The following C1orf159 variants were observed in gnomAD, a reference collection of about 807,000 sequenced individuals.
The protein encoded by C1orf159 is chromosome 1 open reading frame 159, also known as uncharacterized protein C1orf159.
Under a neutral mutation model 25.6 loss-of-function variants are expected in C1orf159, and 19 were observed. The observed-to-expected ratio is 0.74, with a 90% CI of 0.52 to 1.09. C1orf159 has a LOEUF of 1.09. C1orf159 is among the 50% of genes least tolerant of loss of function. C1orf159 has a pLI of 0.00. For missense variants in C1orf159, 274 were observed against 290.6 expected, an observed-to-expected ratio of 0.94 and a Z score of 0.42; for synonymous variants, 139 against 124.7, an observed-to-expected ratio of 1.12 and a Z score of -0.77.
At chr1:1,100,526 C>T (rs931618074) in intron 1 of C1orf159, among the ~76,000 whole-genome samples, 3 of 152,130 alleles carry the variant, frequency 2.0e-5, no homozygotes, top group East Asian at 1.9e-4. Flanking sequence ...ATGGTTGACA[C>T]GAGGGCGCAC....
At chr1:1,104,522 C>T (rs1052795358) in intron 1 of C1orf159, among the ~76,000 whole-genome samples, 1 of 152,180 alleles carries the variant, frequency 6.6e-6, no homozygotes, top group Non-Finnish European at 1.5e-5. Context: ...TTACTCTTTC[C>T]CACTGAAGTA....
intron 1 of C1orf159, among the ~76,000 whole-genome samples, chr1:1,095,425 C>CT (rs1376374695): frequency 1.3e-5 from 2 of 152,188 alleles, no homozygotes; most frequent in African/African-American, 4.8e-5. Context: ...TAAGATTTTA[C>CT]TTTTTGTTAT....
chr1:1,087,711 C>G lies in C1orf159; in HGVS notation c.149-114G>C. On this transcript the variant is annotated intron_variant, in intron 4 of 9. Transcript: ENST00000421241. The surrounding 1 kb of genome is among the most constrained non-coding windows in gnomAD (Gnocchi z 8.3). The stretch of plus-strand genomic sequence containing the variant: ...AGATAACTTTCATTCCAGATACTAA[C>G]ATGCTCTGGAGGGTAGGTGGGCGGC... 1 of 817,498 alleles carries G rather than the reference C, an allele frequency of 1.2e-6. No individual in the cohort carries two copies. The highest frequency in any genetic ancestry group is 1.9e-6 in the Non-Finnish European group (1 of 517,530). The allele number at this position is 817,498 out of a possible 1,614,324, so 50.6% of individuals were successfully genotyped here. A position where few individuals can be genotyped will look rare whatever the true frequency, so the allele number is the denominator to read the frequency against.
chr1:1,112,338 G>A (rs896973388), intron 1 of C1orf159, among the ~76,000 whole-genome samples: 4 of 152,222 alleles, frequency 2.6e-5, no homozygotes, highest in East Asian at 1.9e-4. Flanking sequence ...GACAGGTAAC[G>A]GAAGAACGCC....
Position 1,087,251 on chromosome 1 carries a change from G to A in C1orf159, c.245-47C>T, listed in dbSNP as rs775335092. 20 of 1,546,280 alleles carry A rather than the reference G, an allele frequency of 1.3e-5. No homozygotes were observed. The African/African-American group carries it at 1.6e-4, about 13-fold the overall frequency. On this transcript the variant is annotated intron_variant, in intron 5 of 9. Transcript: ENST00000421241. This position sits in a 1 kb window ranked among gnomAD's most constrained non-coding sequence, Gnocchi z 8.3. ...GGAAGCCTGTGTGCACGGAGCCCACGGGGACACCCACGTGCACCCTGAAGG... is the reference window on the plus strand; with the variant it reads ...GGAAGCCTGTGTGCACGGAGCCCACAGGGACACCCACGTGCACCCTGAAGG...
At chr1:1,108,812 TG>T (rs1392563107) in intron 1 of C1orf159, among the ~76,000 whole-genome samples, 1 of 102,566 alleles carries the variant, frequency 9.7e-6, no homozygotes, top group African/African-American at 5.2e-5. Flanking sequence ...CCACCATGTC[TG>T]CAGCAGCATT....
rs894446341 is a variant in C1orf159, at chr1:1,101,187, A to C, written c.-135-9084T>G. On this transcript the variant is annotated intron_variant, in intron 1 of 9. Transcript: ENST00000421241. ...GTTCCACTTTCTTCTGGTCTCCATA[A>C]TTACTCACAAACTTGGTCGGGCGTG... is the stretch of plus-strand genomic sequence containing the variant. 7.2e-5 allele frequency among the ~76,000 whole-genome samples: 11 copies of C among 152,106 alleles called. No homozygotes were observed. In the East Asian group the frequency reaches 1.7e-3, roughly 24 times the overall value.
Position 1,097,948 on chromosome 1 carries a change from A to G in C1orf159, c.-135-5845T>C, listed in dbSNP as rs145868546. Among the ~76,000 whole-genome samples the G allele has an allele frequency of 3.5e-3, 536 of 152,088 alleles. 3 individuals are homozygous for G. Among genetic ancestry groups the G allele is most frequent in the African/African-American group, 0.012 (501 of 41,464 alleles). ...TAGGTCTCTGCTTTCATGCCTTTAC[A>G]CGCACTTAGTTACAGAGTTCTAAGT... On this transcript the variant is annotated intron_variant, in intron 1 of 9. Transcript: ENST00000421241.
intron 1 of C1orf159, among the ~76,000 whole-genome samples, chr1:1,102,320 T>C (rs1646112638): frequency 6.6e-6 from 1 of 151,790 alleles, no homozygotes; most frequent in Non-Finnish European, 1.5e-5. Context: ...AGATATCACC[T>C]ACAGGTCCCA....
At chr1:1,090,938 T>C in intron 3 of C1orf159, 1 of 1,550,352 alleles carries the variant, frequency 6.5e-7, no homozygotes, top group South Asian at 1.2e-5. Flanking sequence ...GGGCTCAGGG[T>C]ACCCTCAGCT....
intron 4 of C1orf159, among the ~76,000 whole-genome samples, chr1:1,088,063 G>A (rs1453353890): frequency 1.3e-5 from 2 of 151,816 alleles, no homozygotes; most frequent in East Asian, 3.9e-4. Context: ...CTGCAGGACT[G>A]CAGGCTGGGC....
intron 9 of C1orf159, 159 bp downstream of exon 9, chr1:1,084,194 G>A (rs570180103): frequency 1.0e-5 from 16 of 1,524,014 alleles, no homozygotes; most frequent in East Asian, 4.5e-5. Flanking sequence ...AGCCAAATCC[G>A]GCCCTGGCCC....
At chr1:1,104,480 T>C (rs1402339418) in intron 1 of C1orf159, among the ~76,000 whole-genome samples, 1 of 152,226 alleles carries the variant, frequency 6.6e-6, no homozygotes, top group Non-Finnish European at 1.5e-5. Context: ...ATGGTTATAG[T>C]TGTGCTATGG....
chr1:1,114,961 C>A (rs982893607), intron 1 of C1orf159: 10 of 152,158 alleles, frequency 6.6e-5, no homozygotes, highest in African/African-American at 2.4e-4. Context: ...CACAAATCAC[C>A]ACTAAAGAGC....
In C1orf159 at chr1:1,082,712, GCCTCAGGCGGCCCGGGAC is replaced by G. The variant is rs1645762682; in HGVS notation, c.*163_*180del. 4 of 607,680 alleles carry G rather than the reference GCCTCAGGCGGCCCGGGAC, an allele frequency of 6.6e-6. No individual in the cohort carries two copies. Among genetic ancestry groups the G allele is most frequent in the South Asian group, 3.8e-5 (2 of 52,096 alleles). 37.6% of individuals were successfully genotyped at this position (607,680 alleles called of 1,614,324 possible). Reference sequence around the variant, plus strand: ...AACGAGATGGCTGTGGTGGGGAGGAGCCTCAGGCGGCCCGGGACCCTTTGGCGTCCGTCGCTGGGAGGC... The same window carrying G: ...AACGAGATGGCTGTGGTGGGGAGGAGCCTTTGGCGTCCGTCGCTGGGAGGC... On this transcript the variant is annotated 3_prime_UTR_variant, in exon 10 of 10. Transcript: ENST00000421241.
At chr1:1,086,502 G>C (rs1479787195) in intron 6 of C1orf159, among the ~76,000 whole-genome samples, 1 of 152,246 alleles carries the variant, frequency 6.6e-6, no homozygotes, top group East Asian at 1.9e-4. Context: ...CTGGGGCTCG[G>C]GACAGTTGGC....
At chr1:1,099,521 G>C (rs989787317) in intron 1 of C1orf159, among the ~76,000 whole-genome samples, 1 of 146,990 alleles carries the variant, frequency 6.8e-6, no homozygotes, top group Non-Finnish European at 1.5e-5. Context: ...ATTGTCTATT[G>C]ATGTTTTTGG....
At chr1:1,090,815 G>A (rs1426780079) in intron 3 of C1orf159, 15 of 1,392,392 alleles carry the variant, frequency 1.1e-5, no homozygotes, top group Non-Finnish European at 1.5e-5. Context: ...GGCATTTCAG[G>A]GGACGAATTC....
chr1:1,100,577 G>A (rs1162922130), intron 1 of C1orf159, among the ~76,000 whole-genome samples: 2 of 152,112 alleles, frequency 1.3e-5, no homozygotes, highest in Non-Finnish European at 2.9e-5. Context: ...TTTGGCAAGT[G>A]TATAATGACA....
Sources: gnomAD v4.1 joint callset for allele counts (sites outside exome capture counted in the v4.1 genomes callset) on GRCh38, gnomAD v4.1.1 for gene constraint, Gnocchi (gnomAD v3.1) non-coding constraint, MANE v1.5 for transcripts, NCBI Gene and HGNC (gene_info 2026-07-23, HGNC 2026-07-21) for gene names.